The following TMEM132C variants were observed in gnomAD, a reference collection of about 807,000 sequenced individuals.
TMEM132C encodes the protein transmembrane protein 132C, also known as protein phosphatase 1, regulatory subunit 152.
Under a neutral mutation model 61.4 loss-of-function variants are expected in TMEM132C, and 29 were observed. The ratio of observed to expected loss-of-function variants is 0.47; its 90% CI spans 0.35 to 0.64. The LOEUF is 0.64. TMEM132C is among the 30% of genes least tolerant of loss of function. The probability of loss-of-function intolerance (pLI) is 0.00; values close to 1 mark genes in which losing one functional copy is unlikely to be tolerated. For synonymous variants in TMEM132C, 656 were observed against 633.1 expected (o/e 1.04, Z -0.54); for missense variants, 1,408 against 1,476.9 (o/e 0.95, Z 0.76).
chr12:128,435,769 C>T (rs1055174298), intron 2 of TMEM132C, among the ~76,000 whole-genome samples: 10 of 152,182 alleles, frequency 6.6e-5, no homozygotes, highest in Admixed American at 2.6e-4. Context: ...CTACCAATTA[C>T]TTTCTTCACA....
chr12:128,531,078 A>C (rs1233016064), intron 2 of TMEM132C, among the ~76,000 whole-genome samples: 1 of 150,852 alleles, frequency 6.6e-6, no homozygotes, highest in Non-Finnish European at 1.5e-5. Context: ...GCAAACTTAC[A>C]GAAGCAAAAC....
At chr12:128,434,672 G>A (rs917230928) in intron 2 of TMEM132C, among the ~76,000 whole-genome samples, 3 of 150,446 alleles carry the variant, frequency 2.0e-5, no homozygotes, top group Non-Finnish European at 4.4e-5. Flanking sequence ...GCATGATCTC[G>A]GCTCACTGCA....
At chr12:128,334,723 G>T (rs1466035171) in intron 1 of TMEM132C, among the ~76,000 whole-genome samples, 3 of 151,736 alleles carry the variant, frequency 2.0e-5, no homozygotes, top group African/African-American at 4.8e-5. Context: ...AGCCTCCCGA[G>T]TAGCTGGGAC....
At chr12:128,327,976 C>T (rs1417506836) in intron 1 of TMEM132C, among the ~76,000 whole-genome samples, 1 of 151,956 alleles carries the variant, frequency 6.6e-6, no homozygotes. Flanking sequence ...AGTCTGTGTC[C>T]ATGTTAATGC....
rs564713182 is a variant in TMEM132C at position 128,427,483 on chromosome 12, G to A, written c.974+11863G>A. Among the ~76,000 whole-genome samples, 27 of 150,774 alleles carry A rather than the reference G, an allele frequency of 1.8e-4. No individual in the cohort carries two copies. In the South Asian group the frequency reaches 5.7e-3, roughly 32 times the overall value. Reference sequence around the variant, plus strand: ...GAAGTGGGGACATCCAGGAACACAAGAGGAGGATGCAGTGTAGATGGGATT... The same window carrying A: ...GAAGTGGGGACATCCAGGAACACAAAAGGAGGATGCAGTGTAGATGGGATT... On this transcript the variant is annotated intron_variant, in intron 2 of 8. Transcript: ENST00000435159.
Position 128,529,057 on chromosome 12 carries a change from C to T in TMEM132C, c.975-14900C>T, listed in dbSNP as rs1011963873. ...ATCAGTATTCCTAACAGGCAGATAT[C>T]GTCTCGCCTTGCCCTGTATAACACT... On this transcript the variant is annotated intron_variant, in intron 2 of 8. Transcript: ENST00000435159. 2.0e-5 allele frequency among the ~76,000 whole-genome samples: 3 copies of T among 152,248 alleles called. 1 individual carries two copies. Among genetic ancestry groups the T allele is most frequent in the Non-Finnish European group, 4.4e-5 (3 of 68,008 alleles).
rs563041441 is a variant in TMEM132C at position 128,677,264 on chromosome 12, A to G, written c.1449+7704A>G. Among the ~76,000 whole-genome samples the G allele has an allele frequency of 3.9e-5, 6 of 152,314 alleles. No homozygotes were observed. In the South Asian group the frequency reaches 6.2e-4, roughly 16 times the overall value. ...CCAGTCCGTGTTTTTCACAGGTCACATGACAATCTATTAAACACAGATGTG... is the reference window on the plus strand; with the variant it reads ...CCAGTCCGTGTTTTTCACAGGTCACGTGACAATCTATTAAACACAGATGTG... On this transcript the variant is annotated intron_variant, in intron 5 of 8. Transcript: ENST00000435159.
chr12:128,677,171 AG>A (rs1954596911), intron 5 of TMEM132C, among the ~76,000 whole-genome samples: 1 of 152,228 alleles, frequency 6.6e-6, no homozygotes, highest in Non-Finnish European at 1.5e-5. Flanking sequence ...TCTTGCTTGC[AG>A]TTGATGACAT....
At chr12:128,517,653 C>G (rs140125531) in intron 2 of TMEM132C, among the ~76,000 whole-genome samples, 105 of 152,296 alleles carry the variant, frequency 6.9e-4, no homozygotes, top group African/African-American at 2.5e-3. Context: ...ACAGTTTTAA[C>G]TTCTCTGTGT....
At chr12:128,285,143 G>A (rs1031967095) in intron 1 of TMEM132C, among the ~76,000 whole-genome samples, 16 of 152,134 alleles carry the variant, frequency 1.1e-4, no homozygotes, top group African/African-American at 3.9e-4. Context: ...ACCCTGTTTA[G>A]TGAGGTAGGA....
intron 3 of TMEM132C, among the ~76,000 whole-genome samples, chr12:128,577,690 A>G (rs774972961): frequency 6.6e-6 from 1 of 152,204 alleles, no homozygotes; most frequent in Non-Finnish European, 1.5e-5. Context: ...TGAAGTGGCT[A>G]TTGATCTTTT....
chr12:128,535,784 C>T (rs1190376180), intron 2 of TMEM132C, among the ~76,000 whole-genome samples: 1 of 151,930 alleles, frequency 6.6e-6, no homozygotes, highest in Non-Finnish European at 1.5e-5. Context: ...AGGAGAATGG[C>T]ATGAACCCGG....
At chr12:128,690,620 T>C (rs1301339223) in intron 5 of TMEM132C, among the ~76,000 whole-genome samples, 1 of 152,192 alleles carries the variant, frequency 6.6e-6, no homozygotes, top group Non-Finnish European at 1.5e-5. Flanking sequence ...CTGATATAAC[T>C]CTTGCTCGAC....
intron 2 of TMEM132C, among the ~76,000 whole-genome samples, chr12:128,461,827 A>T (rs1431332295): frequency 1.3e-5 from 2 of 152,042 alleles, no homozygotes; most frequent in African/African-American, 4.8e-5. Context: ...CCCAAGCCCC[A>T]CCTTCCAGAA....
At chr12:128,695,722 C>T (rs1350492130) in intron 6 of TMEM132C, 108 bp from the exon 7 acceptor site, 11 of 1,270,962 alleles carry the variant, frequency 8.7e-6, no homozygotes, top group East Asian at 5.1e-5. Context: ...TCCTGGCGCT[C>T]GTGTCTTCAA....
At chr12:128,599,281 A>T (rs1380896493) in intron 3 of TMEM132C, among the ~76,000 whole-genome samples, 1 of 152,228 alleles carries the variant, frequency 6.6e-6, no homozygotes, top group African/African-American at 2.4e-5. Context: ...CTACACCTTT[A>T]TAACCAGAAT....
chr12:128,532,054 A>C (rs1418486093), intron 2 of TMEM132C, among the ~76,000 whole-genome samples: 2 of 152,230 alleles, frequency 1.3e-5, no homozygotes, highest in African/African-American at 4.8e-5. Flanking sequence ...AAGATTTCAG[A>C]TACAAAGCTG....
At chr12:128,340,932 C>CTG (rs1872957962) in intron 1 of TMEM132C, among the ~76,000 whole-genome samples, 1 of 146,240 alleles carries the variant, frequency 6.8e-6, no homozygotes, top group African/African-American at 2.6e-5. Flanking sequence ...CTCTCTCTCT[C>CTG]TCTCTCTCTC....
At chr12:128,482,571 T>A (rs1157938789) in intron 2 of TMEM132C, among the ~76,000 whole-genome samples, 2 of 152,198 alleles carry the variant, frequency 1.3e-5, no homozygotes, top group Non-Finnish European at 2.9e-5. Flanking sequence ...TCTTTGTACC[T>A]CTGGTAGAAT....
Sources: gnomAD v4.1 joint callset for allele counts (sites outside exome capture counted in the v4.1 genomes callset) on GRCh38, gnomAD v4.1.1 for gene constraint, MANE v1.5 for transcripts, NCBI Gene and HGNC (gene_info 2026-07-23, HGNC 2026-07-21) for gene names.